ANKS1B: variants seen among roughly 807,000 people sequenced by gnomAD.
ANKS1B encodes the protein ankyrin repeat and sterile alpha motif domain-containing protein 1B.
In ANKS1B, 36 loss-of-function variants were observed where a neutral mutation model predicts 148.3. The observed-to-expected ratio is 0.24, with a 90% CI of 0.19 to 0.32. The LOEUF is 0.32. Among genes scored for constraint, ANKS1B ranks in the 10% least tolerant of loss-of-function variants. The pLI, the probability that ANKS1B is intolerant of heterozygous loss-of-function variation, is 1.00. For missense variants in ANKS1B, 1,157 were observed against 1,542.6 expected (o/e 0.75, Z 4.19); for synonymous variants, 542 against 560.8 (o/e 0.97, Z 0.47).
chr12:99,024,504 G>A (rs1004261576), intron 17 of ANKS1B, among the ~76,000 whole-genome samples: 1 of 151,992 alleles, frequency 6.6e-6, no homozygotes, highest in African/African-American at 2.4e-5. Flanking sequence ...AATTTCTCTG[G>A]GATGTATTCC....
chr12:99,647,153 A>G (rs376379848), intron 9 of ANKS1B, among the ~76,000 whole-genome samples: 81 of 152,324 alleles, frequency 5.3e-4, no homozygotes, highest in African/African-American at 1.9e-3. Context: ...ACGTGGTCTT[A>G]CATAAATTGA....
intron 1 of ANKS1B, among the ~76,000 whole-genome samples, chr12:99,983,302 A>G (rs1006220284): frequency 1.3e-5 from 2 of 152,178 alleles, no homozygotes; most frequent in Non-Finnish European, 2.9e-5. Context: ...AAGTATGGAA[A>G]TCAACCCCGC....
At chr12:99,357,810 TTCAGAAAAGTATCAAC>T (rs1313858097) in intron 12 of ANKS1B, among the ~76,000 whole-genome samples, 2 of 152,096 alleles carry the variant, frequency 1.3e-5, no homozygotes, top group African/African-American at 4.8e-5. Context: ...TAAATTACAT[TTCAGAAAAGTATCAAC>T]TCATATTGTA....
intron 1 of ANKS1B, among the ~76,000 whole-genome samples, chr12:99,826,730 C>T (rs1017446903): frequency 6.6e-6 from 1 of 152,016 alleles, no homozygotes; most frequent in African/African-American, 2.4e-5. Context: ...ATCCCAATGG[C>T]ATTCTTTAGG....
At chr12:99,892,091 C>T (rs565469411) in intron 1 of ANKS1B, among the ~76,000 whole-genome samples, 52 of 152,284 alleles carry the variant, frequency 3.4e-4, no homozygotes, top group African/African-American at 1.2e-3. Context: ...GCAACCTCCG[C>T]CTCCCAGGTT....
chr12:98,989,850 G>A (rs955158667), intron 17 of ANKS1B, among the ~76,000 whole-genome samples: 5 of 151,718 alleles, frequency 3.3e-5, no homozygotes, highest in African/African-American at 1.2e-4. Flanking sequence ...CTATGATTGT[G>A]CCACTGCATT....
chr12:98,942,970 G>A (rs1339743002), intron 17 of ANKS1B, among the ~76,000 whole-genome samples: 1 of 152,166 alleles, frequency 6.6e-6, no homozygotes. Context: ...GAGTTCAAAT[G>A]AGAAAATTTC....
intron 17 of ANKS1B, among the ~76,000 whole-genome samples, chr12:99,038,070 G>A (rs1042471233): frequency 2.0e-5 from 3 of 152,290 alleles, no homozygotes; most frequent in Non-Finnish European, 4.4e-5. Flanking sequence ...GGTACAGAGC[G>A]CAGAAACGTT....
chr12:99,241,804 A>T (rs1004379744), intron 14 of ANKS1B, among the ~76,000 whole-genome samples: 3 of 152,352 alleles, frequency 2.0e-5, no homozygotes, highest in Middle Eastern at 3.4e-3. Flanking sequence ...AAAGGACATG[A>T]TTATCTCAGT....
At chr12:99,603,236 G>C (rs1406156189) in intron 9 of ANKS1B, among the ~76,000 whole-genome samples, 1 of 151,978 alleles carries the variant, frequency 6.6e-6, no homozygotes, top group Non-Finnish European at 1.5e-5. Context: ...TTTTCAATTA[G>C]GAATCTCAGA....
intron 11 of ANKS1B, among the ~76,000 whole-genome samples, chr12:99,426,217 A>G (rs1354164717): frequency 6.6e-6 from 1 of 152,124 alleles, no homozygotes; most frequent in Non-Finnish European, 1.5e-5. Context: ...ACTTTTTTGA[A>G]ATAGTCTTTT....
chr12:98,838,144 A>G (rs1337650192), intron 17 of ANKS1B, among the ~76,000 whole-genome samples: 1 of 152,204 alleles, frequency 6.6e-6, no homozygotes, highest in African/African-American at 2.4e-5. Flanking sequence ...GTTTCAGAGA[A>G]GTATGTCATA....
At chr12:99,795,798 T>C (rs2066179813) in intron 4 of ANKS1B, among the ~76,000 whole-genome samples, 1 of 152,038 alleles carries the variant, frequency 6.6e-6, no homozygotes, top group African/African-American at 2.4e-5. Flanking sequence ...TGTTCATGTC[T>C]TCCATCCACA....
chr12:98,876,893 C>CA (rs1408967935), intron 17 of ANKS1B, among the ~76,000 whole-genome samples: 3 of 152,110 alleles, frequency 2.0e-5, no homozygotes, highest in African/African-American at 7.2e-5. Context: ...TGTGAAAAGC[C>CA]AAAAACATCC....
intron 1 of ANKS1B, among the ~76,000 whole-genome samples, chr12:99,896,478 T>A (rs1428174691): frequency 6.6e-6 from 1 of 151,376 alleles, no homozygotes; most frequent in Non-Finnish European, 1.5e-5. Context: ...GACACCACAA[T>A]TTCTTTATCC....
chr12:99,259,217 C>T (rs1429901503), intron 12 of ANKS1B, among the ~76,000 whole-genome samples: 4 of 152,298 alleles, frequency 2.6e-5, no homozygotes, highest in Admixed American at 2.6e-4. Flanking sequence ...TGAAAACCAC[C>T]CAGTGGGCCT....
At chr12:99,667,341 T>C (rs2098513648) in intron 8 of ANKS1B, among the ~76,000 whole-genome samples, 1 of 116,648 alleles carries the variant, frequency 8.6e-6, no homozygotes, top group Non-Finnish European at 1.7e-5. Context: ...AGAGCGAGAC[T>C]CTGTCTCAAA....
At chr12:99,635,784 T>A (rs920571243) in intron 9 of ANKS1B, among the ~76,000 whole-genome samples, 4 of 152,142 alleles carry the variant, frequency 2.6e-5, no homozygotes, top group African/African-American at 9.7e-5. Context: ...TTTTTAAAGT[T>A]CAGTAGGGTA....
At chr12:99,906,585 T>C (rs1565971985) in intron 1 of ANKS1B, among the ~76,000 whole-genome samples, 1 of 152,184 alleles carries the variant, frequency 6.6e-6, no homozygotes, top group Non-Finnish European at 1.5e-5. Context: ...CTTCTTCTCC[T>C]TTAAGCTGCC....
Sources: allele counts gnomAD v4.1 joint callset (sites outside exome capture counted in the v4.1 genomes callset), GRCh38; gene constraint gnomAD v4.1.1; transcripts MANE v1.5; gene names NCBI Gene and HGNC (gene_info 2026-07-23, HGNC 2026-07-21).